Variants in FRMD4B observed in about 807,000 individuals in gnomAD.
FRMD4B encodes the protein FERM domain containing 4B.
In FRMD4B, 74 loss-of-function variants were observed where a neutral mutation model predicts 141.5. That is an observed-to-expected ratio of 0.52 (90% CI 0.43 to 0.63). The LOEUF is 0.63. Among genes scored for constraint, FRMD4B ranks in the 30% least tolerant of loss-of-function variants. FRMD4B has a pLI of 0.00. For synonymous variants in FRMD4B, 506 were observed against 467.9 expected, an observed-to-expected ratio of 1.08 and a Z score of -1.05; for missense variants, 1,366 against 1,253.4, an observed-to-expected ratio of 1.09 and a Z score of -1.36.
In FRMD4B at chr3:69,188,022, A is replaced by C. The variant is rs2092789054; in HGVS notation, c.1772-105T>G. On this transcript the variant is annotated intron_variant, in intron 18 of 22. Coordinates refer to ENST00000398540, the MANE Select transcript of FRMD4B (RefSeq NM_015123.3). Reference sequence around the variant, plus strand: ...AAGAAATTAGAAGGTTTAGTGAACAAAGTGTTCTTCCAAAGATGATATTTT... The same window carrying C: ...AAGAAATTAGAAGGTTTAGTGAACACAGTGTTCTTCCAAAGATGATATTTT... 4 of 669,650 alleles carry C rather than the reference A, an allele frequency of 6.0e-6. No individual in the cohort carries two copies. The Admixed American group carries it at 1.2e-4, about 20-fold the overall frequency. The allele number at this position is 669,650 out of a possible 1,614,324, so 41.5% of individuals were successfully genotyped here.
chr3:69,318,133 G>A (rs1701867050), intron 1 of FRMD4B, among the ~76,000 whole-genome samples: 1 of 151,922 alleles, frequency 6.6e-6, no homozygotes, highest in Non-Finnish European at 1.5e-5. Flanking sequence ...CATCATGCCT[G>A]GCTAATTTTT....
rs1700925880 is a variant in FRMD4B, at chr3:69,525,952, C to T, written c.-129+16254G>A. Among the ~76,000 whole-genome samples, 4 of 152,244 alleles carry T rather than the reference C, an allele frequency of 2.6e-5. No homozygotes were observed. In the South Asian group the frequency reaches 8.3e-4, roughly 32 times the overall value. On this transcript the variant is annotated intron_variant, in intron 1 of 5. Coordinates refer to the FRMD4B transcript ENST00000459638. ...AGGATTACAGGTGTGAGCCACCATG[C>T]TCGGCCTGTTTCTAATTCTTAAAAC...
chr3:69,262,197 C>T (rs1006388422), intron 5 of FRMD4B, among the ~76,000 whole-genome samples: 1 of 152,060 alleles, frequency 6.6e-6, no homozygotes, highest in African/African-American at 2.4e-5. Context: ...GAACTCCTGG[C>T]TTCAAGTGAT....
Position 69,496,612 on chromosome 3 carries a change from T to TGA in FRMD4B, c.-129+45592_-129+45593dup, listed in dbSNP as rs142597397. Among the ~76,000 whole-genome samples, 437 of 88,166 alleles carry TGA rather than the reference T, an allele frequency of 5.0e-3. 5 individuals carry two copies. Among genetic ancestry groups the TGA allele is most frequent in the Admixed American group, 9.9e-3 (76 of 7,684 alleles). The allele number at this position is 88,166 out of a possible 152,430, so 57.8% of individuals were successfully genotyped here. A position where few individuals can be genotyped will look rare whatever the true frequency, so the allele number is the denominator to read the frequency against. Reference sequence around the variant, plus strand: ...CAGGTGAAAGATGAAAGAGAGAGAGTGAGAGAGAGAGAGAGAGAGAGAGAA... The same window carrying TGA: ...CAGGTGAAAGATGAAAGAGAGAGAGTGAGAGAGAGAGAGAGAGAGAGAGAGAA... On this transcript the variant is annotated intron_variant, in intron 1 of 5. Transcript: ENST00000459638.
chr3:69,206,304 C>T (rs1317677959), intron 11 of FRMD4B, among the ~76,000 whole-genome samples: 5 of 152,098 alleles, frequency 3.3e-5, no homozygotes, highest in South Asian at 2.1e-4. Flanking sequence ...GAGCTGAGAT[C>T]GTGCCACTGC....
At chr3:69,433,539 C>A (rs1221227177) in intron 1 of FRMD4B, among the ~76,000 whole-genome samples, 4 of 152,234 alleles carry the variant, frequency 2.6e-5, no homozygotes, top group African/African-American at 7.2e-5. Flanking sequence ...TGCCCCTCCA[C>A]TCCCCCTGGA....
At chr3:69,532,746 T>C (rs181301567) in intron 1 of FRMD4B, among the ~76,000 whole-genome samples, 254 of 152,316 alleles carry the variant, frequency 1.7e-3, no homozygotes, top group Non-Finnish European at 2.7e-3. Context: ...AGCCTTCTGC[T>C]CTTTTGCAAA....
At chr3:69,319,042 G>A (rs1188216534) in intron 1 of FRMD4B, among the ~76,000 whole-genome samples, 1 of 152,186 alleles carries the variant, frequency 6.6e-6, no homozygotes, top group Non-Finnish European at 1.5e-5. Flanking sequence ...CACAAACCCT[G>A]CTGTGGACCG....
At chr3:69,437,757 T>C (rs1416341074) in intron 1 of FRMD4B, among the ~76,000 whole-genome samples, 2 of 129,956 alleles carry the variant, frequency 1.5e-5, no homozygotes, top group Non-Finnish European at 3.1e-5. Flanking sequence ...ATAAAGTATG[T>C]ATAAATACTA....
upstream of FRMD4B, among the ~76,000 whole-genome samples, chr3:69,387,141 CTTTA>C (rs1159659999): frequency 1.3e-5 from 2 of 152,076 alleles, no homozygotes; most frequent in African/African-American, 2.4e-5. Context: ...CTCTGTCTTC[CTTTA>C]TTTATTTTTG....
chr3:69,305,738 A>G (rs1701372034), intron 3 of FRMD4B, among the ~76,000 whole-genome samples: 1 of 152,206 alleles, frequency 6.6e-6, no homozygotes, highest in African/African-American at 2.4e-5. Context: ...TGGGAAACAG[A>G]GAGAGACCCT....
intron 12 of FRMD4B, chr3:69,198,453 G>T: frequency 2.2e-6 from 1 of 453,756 alleles, no homozygotes; most frequent in East Asian, 3.5e-5. Flanking sequence ...CGGTGAGGAT[G>T]TGTCGGCATT....
At chr3:69,191,382 T>C (rs2092835176) in intron 17 of FRMD4B, among the ~76,000 whole-genome samples, 1 of 152,048 alleles carries the variant, frequency 6.6e-6, no homozygotes. Context: ...ATCATGCCAC[T>C]GCACTCCAGG....
intron 1 of FRMD4B, among the ~76,000 whole-genome samples, chr3:69,538,203 A>C (rs1447224049): frequency 6.6e-6 from 1 of 152,222 alleles, no homozygotes; most frequent in Non-Finnish European, 1.5e-5. Context: ...TGAGGAATGA[A>C]AAGAAATCAG....
intron 18 of FRMD4B, among the ~76,000 whole-genome samples, chr3:69,189,240 A>AAG (rs2092808719): frequency 1.3e-5 from 2 of 151,078 alleles, no homozygotes; most frequent in African/African-American, 4.9e-5. Flanking sequence ...AAAAAAAAAA[A>AAG]AAAAAAGAGA....
At chr3:69,267,620 TATATATATATATATATAGAGAG>T (rs1559765312) in intron 5 of FRMD4B, among the ~76,000 whole-genome samples, 173 of 33,524 alleles carry the variant, frequency 5.2e-3, no homozygotes, top group Non-Finnish European at 8.9e-3. Context: ...TATATATATA[TATATATATATATATATAGAGAG>T]AGAGAGAGAG....
At chr3:69,283,678 A>G (rs1216951847) in intron 5 of FRMD4B, among the ~76,000 whole-genome samples, 1 of 152,226 alleles carries the variant, frequency 6.6e-6, no homozygotes, top group Non-Finnish European at 1.5e-5. Context: ...GTATGTCTCC[A>G]CATAGGAGAG....
chr3:69,258,996 C>T (rs2093509803), intron 5 of FRMD4B, among the ~76,000 whole-genome samples: 3 of 152,104 alleles, frequency 2.0e-5, no homozygotes, highest in South Asian at 2.1e-4. Context: ...GGGATGGTTT[C>T]GGGATAATTC....
chr3:69,498,754 T>C lies in FRMD4B; in HGVS notation c.-129+43452A>G, dbSNP rs1036734893. On this transcript the variant is annotated intron_variant, in intron 1 of 5. Coordinates refer to the FRMD4B transcript ENST00000459638. ...GGAGAAAACTGAGGCTTACAAGTAT[T>C]CACTGATTTGCAGACGGGCTCACAG... Among the ~76,000 whole-genome samples, 11 of 152,310 alleles carry C rather than the reference T, an allele frequency of 7.2e-5. No homozygotes were observed. In the East Asian group the frequency reaches 2.1e-3, roughly 29 times the overall value.
Sources: gnomAD v4.1 joint callset for allele counts (sites outside exome capture counted in the v4.1 genomes callset) on GRCh38, gnomAD v4.1.1 for gene constraint, MANE v1.5 for transcripts, NCBI Gene and HGNC (gene_info 2026-07-23, HGNC 2026-07-21) for gene names.